GTF2IRD1: variants seen among roughly 807,000 people sequenced by gnomAD.
GTF2IRD1 encodes the protein GTF2I repeat domain containing 1, also known as general transcription factor II-I repeat domain-containing protein 1.
Under a neutral mutation model 113.2 loss-of-function variants are expected in GTF2IRD1, and 26 were observed. That is an observed-to-expected ratio of 0.23 (90% CI 0.17 to 0.32). The LOEUF (loss-of-function observed/expected upper bound fraction) is 0.32, where lower values mean the gene tolerates loss of function less well. GTF2IRD1 is among the 10% of genes least tolerant of loss of function. GTF2IRD1 has a pLI of 1.00. For synonymous variants in GTF2IRD1, 484 were observed against 529.1 expected (o/e 0.91, Z 1.17); for missense variants, 864 against 1,280.8 (o/e 0.67, Z 4.97).
At chr7:74,568,014 T>C (rs1187697520) in intron 22 of GTF2IRD1, among the ~76,000 whole-genome samples, 2 of 152,010 alleles carry the variant, frequency 1.3e-5, no homozygotes, top group Non-Finnish European at 1.5e-5. Context: ...GTCAAACTCC[T>C]GACCTCAAAT....
chr7:74,458,018 G>A (rs1262658441), intron 1 of GTF2IRD1, among the ~76,000 whole-genome samples: 1 of 151,736 alleles, frequency 6.6e-6, no homozygotes, highest in Non-Finnish European at 1.5e-5. Flanking sequence ...TTACAGGCAT[G>A]CTCTACCACG....
At chr7:74,495,935 T>C (rs1795631213) in intron 1 of GTF2IRD1, among the ~76,000 whole-genome samples, 2 of 152,132 alleles carry the variant, frequency 1.3e-5, no homozygotes, top group South Asian at 4.1e-4. Flanking sequence ...AGCACGACTG[T>C]GGCTGGGGCC....
At chr7:74,516,983 T>C (rs1796964391) in intron 4 of GTF2IRD1, among the ~76,000 whole-genome samples, 2 of 150,288 alleles carry the variant, frequency 1.3e-5, no homozygotes, top group Non-Finnish European at 1.5e-5. Context: ...AGTCTGTCTC[T>C]TTCTCCTCTC....
At chr7:74,500,372 C>T (rs797025095) in intron 1 of GTF2IRD1, among the ~76,000 whole-genome samples, 13 of 149,830 alleles carry the variant, frequency 8.7e-5, no homozygotes, top group African/African-American at 3.0e-4. Flanking sequence ...CGCTTGGGCT[C>T]GGGAGTTTGA....
intron 22 of GTF2IRD1, among the ~76,000 whole-genome samples, chr7:74,588,083 T>G (rs1562895259): frequency 6.6e-6 from 1 of 151,660 alleles, no homozygotes; most frequent in African/African-American, 2.4e-5. Flanking sequence ...ACATGGGATC[T>G]TTTTCTTTTT....
At chr7:74,539,061 T>G (rs1180535345) in intron 13 of GTF2IRD1, among the ~76,000 whole-genome samples, 26 of 152,174 alleles carry the variant, frequency 1.7e-4, no homozygotes, top group African/African-American at 5.8e-4. Context: ...GCTCTGAGTT[T>G]GACCCTACCC....
At chr7:74,526,983 A>G (rs1320830013) in intron 8 of GTF2IRD1, among the ~76,000 whole-genome samples, 1 of 152,190 alleles carries the variant, frequency 6.6e-6, no homozygotes, top group African/African-American at 2.4e-5. Context: ...GCAGGGCTGG[A>G]GGGAGGTCCA....
intron 5 of GTF2IRD1, among the ~76,000 whole-genome samples, chr7:74,518,912 G>C (rs1315932420): frequency 6.6e-6 from 1 of 152,114 alleles, no homozygotes; most frequent in African/African-American, 2.4e-5. Flanking sequence ...TGGCATTTTA[G>C]GTGTCAGAAA....
chr7:74,547,270 C>A lies in GTF2IRD1; in HGVS notation c.1900C>A (p.Gln634Lys). Residue 634 changes from glutamine to lysine, a missense_variant, in exon 17 of 27, where the codon CAG (glutamine) becomes AAG (lysine). Gln to Lys is a moderately conservative substitution (Grantham distance 53). This residue lies in a region of GTF2IRD1 where 195 missense variants were observed against 359.1 expected (regional missense o/e 0.54). Transcript: ENST00000424337. ...GATTCTGGAGGCCAGCAACAGCATC[C>A]AGTTTGTCATCAAGAGGTAAGGCCC... Reference protein sequence around the residue: ...RKILEASNSIQFVIKRPELLT... With the variant: ...RKILEASNSIKFVIKRPELLT... 1 of 1,610,614 alleles carries A rather than the reference C, an allele frequency of 6.2e-7. No individual in the cohort carries two copies. The highest frequency in any genetic ancestry group is 8.5e-7 in the Non-Finnish European group (1 of 1,179,398).
intron 22 of GTF2IRD1, among the ~76,000 whole-genome samples, chr7:74,581,954 C>T (rs587695403): frequency 2.0e-5 from 3 of 152,210 alleles, no homozygotes; most frequent in Non-Finnish European, 4.4e-5. Context: ...TTACAGTGAG[C>T]TGAGATTGCT....
At chr7:74,488,778 A>G (rs375590169) in intron 1 of GTF2IRD1, among the ~76,000 whole-genome samples, 1 of 151,824 alleles carries the variant, frequency 6.6e-6, no homozygotes, top group African/African-American at 2.4e-5. Context: ...GAGAGAAGAA[A>G]AGAAACTCTA....
chr7:74,454,364 G>C (rs1554326564), intron 1 of GTF2IRD1, among the ~76,000 whole-genome samples, 188 bp downstream of exon 1: 2 of 34,136 alleles, frequency 5.9e-5, no homozygotes, highest in Admixed American at 7.2e-4. Flanking sequence ...ATTCGGGCCC[G>C]GGGGGAGGGG....
At chr7:74,517,665 C>G (rs182873028) in intron 4 of GTF2IRD1, among the ~76,000 whole-genome samples, 1 of 151,698 alleles carries the variant, frequency 6.6e-6, no homozygotes, top group Non-Finnish European at 1.5e-5. Context: ...AGTGATCCTC[C>G]CTCCTCAGCC....
At chr7:74,532,345 G>A (rs1798008811) in intron 9 of GTF2IRD1, among the ~76,000 whole-genome samples, 1 of 152,192 alleles carries the variant, frequency 6.6e-6, no homozygotes, top group Non-Finnish European at 1.5e-5. Context: ...CTTGAGGCCA[G>A]GAGTTTGAGA....
At chr7:74,459,720 G>A (rs1793235873) in intron 1 of GTF2IRD1, among the ~76,000 whole-genome samples, 1 of 152,170 alleles carries the variant, frequency 6.6e-6, no homozygotes, top group African/African-American at 2.4e-5. Flanking sequence ...AAGGACTAAT[G>A]CAATATTTGG....
At chr7:74,476,410 G>A (rs1794413346) in intron 1 of GTF2IRD1, among the ~76,000 whole-genome samples, 1 of 130,144 alleles carries the variant, frequency 7.7e-6, no homozygotes, top group Non-Finnish European at 1.5e-5. Flanking sequence ...TGTCGCCCAG[G>A]CTGGAGTGCA....
intron 22 of GTF2IRD1, among the ~76,000 whole-genome samples, chr7:74,582,638 G>A (rs1223911538): frequency 6.6e-6 from 1 of 152,138 alleles, no homozygotes; most frequent in Non-Finnish European, 1.5e-5. Flanking sequence ...GGCTCAGAGA[G>A]GTTGAGTGAC....
intron 1 of GTF2IRD1, among the ~76,000 whole-genome samples, chr7:74,501,564 T>C (rs547696723): frequency 6.6e-6 from 1 of 152,296 alleles, no homozygotes; most frequent in East Asian, 1.9e-4. Flanking sequence ...GCACTTACTT[T>C]TTTGGCTCCA....
intron 11 of GTF2IRD1, 90 bp from the exon 12 acceptor site, chr7:74,538,046 C>A (rs1345917917): frequency 1.1e-5 from 14 of 1,307,232 alleles, no homozygotes; most frequent in Non-Finnish European, 1.4e-5. Context: ...GTGGCGCCCG[C>A]GGTGGGCCCT....
Sources: allele counts gnomAD v4.1 joint callset (sites outside exome capture counted in the v4.1 genomes callset), GRCh38; gene constraint gnomAD v4.1.1; regional missense constraint gnomAD v4.1.1; transcripts MANE v1.5; gene names NCBI Gene and HGNC (gene_info 2026-07-23, HGNC 2026-07-21).